SH3PXD2A: variants seen among roughly 807,000 people sequenced by gnomAD.
SH3PXD2A encodes the protein SH3 and PX domain-containing protein 2A.
A neutral mutation model predicts 115.2 loss-of-function variants in SH3PXD2A; 32 were observed. That is an observed-to-expected ratio of 0.28 (90% CI 0.21 to 0.37). The LOEUF (loss-of-function observed/expected upper bound fraction) is 0.37, where lower values mean the gene tolerates loss of function less well. Ranked by LOEUF, SH3PXD2A falls within the 10% of genes least tolerant of loss-of-function variation. SH3PXD2A has a pLI of 1.00. For missense variants in SH3PXD2A, 1,328 were observed against 1,498.7 expected (o/e 0.89, Z 1.88); for synonymous variants, 610 against 629.1 (o/e 0.97, Z 0.45).
intron 1 of SH3PXD2A, among the ~76,000 whole-genome samples, chr10:103,802,952 G>A (rs577585299): frequency 1.3e-5 from 2 of 152,348 alleles, no homozygotes; most frequent in East Asian, 3.9e-4. Context: ...CCAAGATGAG[G>A]AGGAACGTTA....
intron 6 of SH3PXD2A, among the ~76,000 whole-genome samples, chr10:103,669,625 G>T (rs1365312235): frequency 6.6e-6 from 1 of 152,238 alleles, no homozygotes; most frequent in Admixed American, 6.5e-5. Context: ...TTTTACCGGG[G>T]AGGACTCTCA....
At chr10:103,648,254 G>A (rs550042357) in intron 8 of SH3PXD2A, among the ~76,000 whole-genome samples, 2 of 152,316 alleles carry the variant, frequency 1.3e-5, no homozygotes, top group African/African-American at 4.8e-5. Context: ...TACCAGTGGG[G>A]GTCAGGGGAG....
intron 1 of SH3PXD2A, among the ~76,000 whole-genome samples, chr10:103,835,264 T>A (rs1325793840): frequency 2.6e-5 from 4 of 152,190 alleles, no homozygotes; most frequent in Non-Finnish European, 5.9e-5. Flanking sequence ...GCAGCTTCCG[T>A]GGGATTTCCC....
rs1201268825 is a variant in SH3PXD2A at position 103,603,663 on chromosome 10, G to A, written c.1555C>T (p.Arg519Trp). The stretch of plus-strand genomic sequence containing the variant: ...GGTGCTGGCGGGGGCACCTTGGGCC[G>A]GGTCAGCGTGCTTGTGCGGCGGCTC... Reference protein sequence around the residue: ...NLSRRTSTLTRPKVPPPAPPS... With the variant: ...NLSRRTSTLTWPKVPPPAPPS... Residue 519 changes from arginine to tryptophan, a missense_variant, in exon 15 of 15, where the codon CGG (arginine) becomes TGG (tryptophan). Transcript: ENST00000369774. The A allele has an allele frequency of 3.1e-6, 5 of 1,606,030 alleles. No individual in the cohort carries two copies. The highest frequency in any genetic ancestry group is 4.2e-6 in the Non-Finnish European group (5 of 1,176,856).
intron 5 of SH3PXD2A, among the ~76,000 whole-genome samples, chr10:103,719,715 TTC>T (rs2038155624): frequency 1.5e-5 from 2 of 132,074 alleles, no homozygotes; most frequent in East Asian, 2.1e-4. Context: ...CTTTTTTTTT[TTC>T]TTTCTTTTTT....
intron 1 of SH3PXD2A, among the ~76,000 whole-genome samples, chr10:103,837,800 C>T (rs918387872): frequency 6.6e-6 from 1 of 152,178 alleles, no homozygotes; most frequent in Non-Finnish European, 1.5e-5. Flanking sequence ...AACTAGGACA[C>T]ACACAGTACC....
At chr10:103,676,961 C>A (rs967055717) in intron 6 of SH3PXD2A, among the ~76,000 whole-genome samples, 7 of 152,132 alleles carry the variant, frequency 4.6e-5, no homozygotes, top group Non-Finnish European at 1.0e-4. Flanking sequence ...CCAGTATTTG[C>A]GTTCACACAG....
intron 1 of SH3PXD2A, among the ~76,000 whole-genome samples, chr10:103,825,429 A>C (rs1234900540): frequency 6.6e-6 from 1 of 152,212 alleles, no homozygotes; most frequent in African/African-American, 2.4e-5. Context: ...CAATTTTGCA[A>C]GAGGTGGGTG....
At chr10:103,654,279 G>C (rs934617374) in intron 8 of SH3PXD2A, among the ~76,000 whole-genome samples, 6 of 152,174 alleles carry the variant, frequency 3.9e-5, no homozygotes, top group Admixed American at 2.6e-4. Flanking sequence ...AGAACTCCAG[G>C]GGAGTGAGTC....
chr10:103,713,382 G>A (rs908986035), intron 5 of SH3PXD2A, among the ~76,000 whole-genome samples: 1 of 152,204 alleles, frequency 6.6e-6, no homozygotes, highest in Non-Finnish European at 1.5e-5. Flanking sequence ...CCAGGAGATA[G>A]CCCAGAGACC....
Position 103,678,003 on chromosome 10 carries a change from G to A in SH3PXD2A, c.428-9351C>T, listed in dbSNP as rs1022676038. 1.9e-5 allele frequency: 13 copies of A among 697,234 alleles called. 2 individuals carry two copies. The South Asian group carries it at 1.9e-4, about 10-fold the overall frequency. 43.2% of individuals were successfully genotyped at this position (697,234 alleles called of 1,614,324 possible). A position where few individuals can be genotyped will look rare whatever the true frequency, so the allele number is the denominator to read the frequency against. On this transcript the variant is annotated intron_variant, in intron 6 of 14. Transcript: ENST00000369774. ...CAGTGGCTCCCGTGCAGGCCTCCGA[G>A]CCTGCAGAACACCCTGAAGGGCGTT...
chr10:103,631,775 G>T (rs1023976420), intron 8 of SH3PXD2A, among the ~76,000 whole-genome samples: 5 of 152,130 alleles, frequency 3.3e-5, no homozygotes, highest in Non-Finnish European at 7.3e-5. Flanking sequence ...ACTTACAGGA[G>T]GCTCTTGAAA....
At chr10:103,808,219 C>T (rs1330436709) in intron 1 of SH3PXD2A, among the ~76,000 whole-genome samples, 2 of 151,958 alleles carry the variant, frequency 1.3e-5, no homozygotes, top group South Asian at 4.2e-4. Flanking sequence ...CACCGGGAAG[C>T]AGTAAAGGCC....
At position 103,741,869 on chromosome 10, in the gene SH3PXD2A, C is replaced by A. The variant is rs961532099; in HGVS notation, c.230-6061G>T. On this transcript the variant is annotated intron_variant, in intron 3 of 14. Transcript: ENST00000369774. ...CTTAAAATAACAGGAATTTGGCAGA[C>A]CATGGTGGCTCATGCCTGTAATCCC... 3.9e-5 allele frequency among the ~76,000 whole-genome samples: 6 copies of A among 152,288 alleles called. No homozygotes were observed. In the South Asian group the frequency reaches 6.2e-4, roughly 16 times the overall value.
In SH3PXD2A at chr10:103,611,753, T is replaced by C. The variant is rs937481649; in HGVS notation, c.1259-123A>G. On this transcript the variant is annotated intron_variant, in intron 12 of 14. Coordinates refer to ENST00000369774, the MANE Select transcript of SH3PXD2A (RefSeq NM_001394015.1). ...AGTTCATGCTTTAGCTCAGCCTTTA[T>C]GAAGGACTTGACACTCTAAGTCACT... 11 of 798,888 alleles carry C rather than the reference T, an allele frequency of 1.4e-5. No homozygotes were observed. In the African/African-American group the frequency reaches 1.9e-4, roughly 13 times the overall value. The allele number at this position is 798,888 out of a possible 1,614,324, so 49.5% of individuals were successfully genotyped here. A position where few individuals can be genotyped will look rare whatever the true frequency, so the allele number is the denominator to read the frequency against.
intron 1 of SH3PXD2A, among the ~76,000 whole-genome samples, chr10:103,826,580 T>G (rs963277266): frequency 6.6e-6 from 1 of 152,196 alleles, no homozygotes; most frequent in Non-Finnish European, 1.5e-5. Flanking sequence ...AGACAGAGGA[T>G]CCCAGGATTC....
chr10:103,799,284 A>G (rs1357048754), intron 2 of SH3PXD2A, among the ~76,000 whole-genome samples: 1 of 152,236 alleles, frequency 6.6e-6, no homozygotes, highest in East Asian at 1.9e-4. Flanking sequence ...GCGACCTGAT[A>G]AATAAGCAAG....
intron 3 of SH3PXD2A, 101 bp from the exon 4 acceptor site, chr10:103,735,909 C>T (rs997298806): frequency 1.1e-6 from 1 of 887,004 alleles, no homozygotes; most frequent in Non-Finnish European, 1.9e-6. Flanking sequence ...TAGTCCAGCA[C>T]TACCTGCCAC....
intron 3 of SH3PXD2A, among the ~76,000 whole-genome samples, chr10:103,753,317 CAAAAAAAAAAAAAAAAA>C (rs60364879): frequency 4.8e-4 from 30 of 62,868 alleles, no homozygotes; most frequent in African/African-American, 1.6e-3. Flanking sequence ...CTGCCTCTAC[CAAAAAAAAAAAAAAAAA>C]AAAAAAAAAA....
Sources: allele counts gnomAD v4.1 joint callset (sites outside exome capture counted in the v4.1 genomes callset), GRCh38; gene constraint gnomAD v4.1.1; transcripts MANE v1.5; gene names NCBI Gene and HGNC (gene_info 2026-07-23, HGNC 2026-07-21).